Variants in CFAP69 observed in about 807,000 individuals in gnomAD.
CFAP69 encodes the protein cilia- and flagella-associated protein 69.
In CFAP69, 92 loss-of-function variants were observed where a neutral mutation model predicts 123.0. The observed-to-expected ratio is 0.75, with a 90% CI of 0.63 to 0.89. The LOEUF is 0.89. Ranked by LOEUF, CFAP69 falls within the 40% of genes least tolerant of loss-of-function variation. The pLI is 0.00. For synonymous variants in CFAP69, 380 were observed against 364.3 expected (o/e 1.04, Z -0.49); for missense variants, 1,067 against 1,096.9 (o/e 0.97, Z 0.39).
chr7:90,290,955 A>G (rs919728067), intron 15 of CFAP69, among the ~76,000 whole-genome samples: 1 of 152,090 alleles, frequency 6.6e-6, no homozygotes, highest in African/African-American at 2.4e-5. Flanking sequence ...ATTCCCTATC[A>G]GGAAGAAGAG....
downstream of CFAP69, chr7:90,311,188 A>G (rs1276781295): frequency 6.6e-6 from 1 of 152,010 alleles, no homozygotes; most frequent in Non-Finnish European, 1.5e-5. Flanking sequence ...ACATAGAGCA[A>G]ATCTGTGTCC....
At chr7:90,297,674 T>C in intron 15 of CFAP69, 75 bp from the exon 16 acceptor site, 1 of 877,498 alleles carries the variant, frequency 1.1e-6, no homozygotes, top group South Asian at 1.7e-5. Context: ...GAAAATGCTT[T>C]GATAAAGATA....
intron 1 of CFAP69, among the ~76,000 whole-genome samples, chr7:90,253,959 C>T (rs1797330653): frequency 6.6e-6 from 1 of 152,048 alleles, no homozygotes; most frequent in Non-Finnish European, 1.5e-5. Context: ...CCAGTGACTT[C>T]TTAGTTTGGG....
the CFAP69 span, chr7:90,320,971 C>G: frequency 6.6e-6 from 1 of 151,992 alleles, no homozygotes; most frequent in Non-Finnish European, 1.5e-5. Flanking sequence ...CTCTGGTCGC[C>G]GTCCGAGGAG....
intron 12 of CFAP69, among the ~76,000 whole-genome samples, chr7:90,281,158 C>T (rs549419535): frequency 6.6e-6 from 1 of 152,144 alleles, no homozygotes; most frequent in Non-Finnish European, 1.5e-5. Flanking sequence ...CTCTTATTAT[C>T]CCTTTGTATC....
chr7:90,277,100 C>A lies in CFAP69; in HGVS notation c.1012C>A (p.Leu338Met). The A allele has an allele frequency of 6.3e-7, 1 of 1,577,112 alleles. No individual in the cohort carries two copies. The highest frequency in any genetic ancestry group is 1.2e-5 in the South Asian group (1 of 85,492). The change falls in exon 10 of 23, where the codon CTG becomes ATG. Residue 338 changes from leucine to methionine, a missense_variant. Physicochemically the swap from Leu to Met is conservative, Grantham distance 15. Coordinates refer to ENST00000389297, the MANE Select transcript of CFAP69 (RefSeq NM_001039706.3). ...ATGTGGCTTTACCAAGGATTTGATA[C>A]TGTTTGCCACCTTTAATGAAGGTAA... The part of the protein sequence containing the change: ...IECGFTKDLI[L>M]FATFNEVKSQ...
At chr7:90,293,313 A>T (rs1377104115) in intron 15 of CFAP69, among the ~76,000 whole-genome samples, 3 of 152,216 alleles carry the variant, frequency 2.0e-5, no homozygotes, top group African/African-American at 7.2e-5. Flanking sequence ...TTAATGTTTG[A>T]CCATAAGGTA....
rs535905928 is a variant in CFAP69 at position 90,303,908 on chromosome 7, G to A, written c.2051-61G>A. The stretch of plus-strand genomic sequence containing the variant: ...ATCTAGACTAAAATCTCAAAATTAA[G>A]TATTTGTTTACTATGGTTTTTATCT... On this transcript the variant is annotated intron_variant, in intron 17 of 22. Coordinates refer to ENST00000389297, the MANE Select transcript of CFAP69 (RefSeq NM_001039706.3). The A allele has an allele frequency of 1.3e-4, 182 of 1,449,062 alleles. No individual in the cohort carries two copies. In the African/African-American group the frequency reaches 2.2e-3, roughly 18 times the overall value. The allele number at this position is 1,449,062 out of a possible 1,614,324, so 89.8% of individuals were successfully genotyped here. A position where few individuals can be genotyped will look rare whatever the true frequency, so the allele number is the denominator to read the frequency against.
At chr7:90,268,212 A>G (rs2116865729) in intron 5 of CFAP69, 74 bp from the exon 6 acceptor site, 2 of 880,420 alleles carry the variant, frequency 2.3e-6, no homozygotes, top group African/African-American at 3.4e-5. Flanking sequence ...CATATTATTA[A>G]CATTTTATGC....
intron 19 of CFAP69, among the ~76,000 whole-genome samples, chr7:90,305,120 A>G (rs1793380224): frequency 6.6e-6 from 1 of 152,044 alleles, no homozygotes; most frequent in Non-Finnish European, 1.5e-5. Flanking sequence ...AGGCAGGTGG[A>G]TAACGAGGTC....
At chr7:90,270,889 C>G (rs751227307) in intron 6 of CFAP69, among the ~76,000 whole-genome samples, 4 of 151,974 alleles carry the variant, frequency 2.6e-5, no homozygotes, top group Non-Finnish European at 4.4e-5. Context: ...GACATGTCAC[C>G]AAGAATCAAA....
chr7:90,289,836 A>G (rs557000488), intron 15 of CFAP69, among the ~76,000 whole-genome samples: 15 of 152,110 alleles, frequency 9.9e-5, no homozygotes, highest in Non-Finnish European at 2.2e-4. Flanking sequence ...CTTTTTTTGT[A>G]TGGTTGTAAT....
downstream of CFAP69, among the ~76,000 whole-genome samples, chr7:90,313,429 AC>A (rs1033955550): frequency 3.3e-5 from 5 of 152,172 alleles, no homozygotes; most frequent in African/African-American, 1.2e-4. Context: ...ACATCCAGGA[AC>A]TGTCCTGGTA....
intron 21 of CFAP69, 141 bp from the exon 22 acceptor site, chr7:90,309,122 T>C (rs533142746): frequency 2.0e-5 from 9 of 445,356 alleles, no homozygotes; most frequent in Non-Finnish European, 3.7e-5. Flanking sequence ...TTAGTCTAAA[T>C]GAGTAAATGC....
chr7:90,248,489 A>T (rs1223037173), intron 1 of CFAP69, among the ~76,000 whole-genome samples: 1 of 152,234 alleles, frequency 6.6e-6, no homozygotes, highest in Non-Finnish European at 1.5e-5. Context: ...TGATATTCAC[A>T]GAGTATTAGA....
chr7:90,309,633 A>G (rs1224019491), intron 22 of CFAP69, among the ~76,000 whole-genome samples: 1 of 152,032 alleles, frequency 6.6e-6, no homozygotes, highest in African/African-American at 2.4e-5. Flanking sequence ...TTGCTGTTCA[A>G]ATTTCACATC....
the CFAP69 span, chr7:90,320,436 T>C: frequency 6.6e-6 from 1 of 152,258 alleles, no homozygotes; most frequent in Non-Finnish European, 1.5e-5. Context: ...GATGAGATAG[T>C]GCAGGGCCCA....
intron 5 of CFAP69, among the ~76,000 whole-genome samples, chr7:90,266,889 C>A (rs963469090): frequency 6.6e-6 from 1 of 152,114 alleles, no homozygotes; most frequent in Non-Finnish European, 1.5e-5. Flanking sequence ...CCAAATGATA[C>A]ATAGATATTT....
At chr7:90,271,481 A>G (rs747877056) in intron 6 of CFAP69, 45 bp from the exon 7 acceptor site, 2 of 1,541,750 alleles carry the variant, frequency 1.3e-6, no homozygotes, top group South Asian at 2.4e-5. Context: ...CTTAATGATC[A>G]TTCTGTGAGA....
Sources: allele counts gnomAD v4.1 joint callset (sites outside exome capture counted in the v4.1 genomes callset), GRCh38; gene constraint gnomAD v4.1.1; transcripts MANE v1.5; gene names NCBI Gene and HGNC (gene_info 2026-07-23, HGNC 2026-07-21).